SLC5A12: variants seen among roughly 807,000 people sequenced by gnomAD.
The protein encoded by SLC5A12 is solute carrier family 5 member 12.
A neutral mutation model predicts 72.7 loss-of-function variants in SLC5A12; 46 were observed. That is an observed-to-expected ratio of 0.63 (90% CI 0.50 to 0.81). The LOEUF is 0.81. Among genes scored for constraint, SLC5A12 ranks in the 30% least tolerant of loss-of-function variants. The pLI is 0.00. For synonymous variants in SLC5A12, 275 were observed against 264.4 expected (o/e 1.04, Z -0.39); for missense variants, 683 against 740.7 (o/e 0.92, Z 0.90).
chr11:26,681,308 G>A, intron 11 of SLC5A12, 87 bp from the exon 12 acceptor site: 1 of 1,148,912 alleles, frequency 8.7e-7, no homozygotes, highest in Non-Finnish European at 1.2e-6. Flanking sequence ...ATGCCTTAGA[G>A]ATTCTGGCTT....
intron 1 of SLC5A12, among the ~76,000 whole-genome samples, chr11:26,716,633 C>T (rs1162334415): frequency 2.0e-5 from 3 of 152,152 alleles, no homozygotes; most frequent in Non-Finnish European, 4.4e-5. Flanking sequence ...GAAATACCAA[C>T]TCTACTTTTC....
chr11:26,679,860 A>G (rs1854350622), intron 12 of SLC5A12, among the ~76,000 whole-genome samples: 1 of 152,170 alleles, frequency 6.6e-6, no homozygotes, highest in African/African-American at 2.4e-5. Flanking sequence ...TGAGTTCAGA[A>G]AGGTGCTTCA....
chr11:26,718,612 G>A (rs913406746), intron 1 of SLC5A12, among the ~76,000 whole-genome samples: 1 of 136,342 alleles, frequency 7.3e-6, no homozygotes, highest in Non-Finnish European at 1.6e-5. Context: ...CACCATGCCT[G>A]GCTAATTTTG....
intron 9 of SLC5A12, 37 bp from the exon 10 acceptor site, chr11:26,686,581 G>T: frequency 6.3e-7 from 1 of 1,596,626 alleles, no homozygotes; most frequent in South Asian, 1.1e-5. Context: ...AATTTCCTGA[G>T]GGATTCCTGA....
In SLC5A12 at chr11:26,669,187, T is replaced by TTTCTTTCTTTCTTTCTTTCTTTC. The variant is rs1854073553; in HGVS notation, c.*1914_*1915insGAAAGAAAGAAAGAAAGAAAGAA. On this transcript the variant is annotated 3_prime_UTR_variant, in exon 15 of 15. Coordinates refer to ENST00000396005, the MANE Select transcript of SLC5A12 (RefSeq NM_178498.4). ...TGTCTTTTTCTTTCTTTCTTTCTTC[T>TTTCTTTCTTTCTTTCTTTCTTTC]TTTCTTTCTTTCTTTCTTTCTTTCT... 3.2e-4 allele frequency: 36 copies of TTTCTTTCTTTCTTTCTTTCTTTC among 110,966 alleles called. No homozygotes were observed. The highest frequency in any genetic ancestry group is 1.2e-3 in the East Asian group (4 of 3,282). The allele number at this position is 110,966 out of a possible 1,614,324, so 6.9% of individuals were successfully genotyped here. A position where few individuals can be genotyped will look rare whatever the true frequency, so the allele number is the denominator to read the frequency against.
At chr11:26,684,083 T>G (rs900955564) in intron 10 of SLC5A12, among the ~76,000 whole-genome samples, 4 of 151,952 alleles carry the variant, frequency 2.6e-5, no homozygotes, top group Non-Finnish European at 5.9e-5. Flanking sequence ...GTAACCTGAA[T>G]TTAGTTTGAA....
chr11:26,713,405 A>G (rs972212862), intron 1 of SLC5A12, among the ~76,000 whole-genome samples: 1 of 151,572 alleles, frequency 6.6e-6, no homozygotes, highest in African/African-American at 2.4e-5. Context: ...AACTCTCAAT[A>G]TAAGAGCCCC....
At chr11:26,694,106 G>T (rs921535163) in intron 8 of SLC5A12, among the ~76,000 whole-genome samples, 1 of 152,074 alleles carries the variant, frequency 6.6e-6, no homozygotes, top group African/African-American at 2.4e-5. Context: ...ACCTCTGCAG[G>T]GTTGCTTTGG....
intron 4 of SLC5A12, among the ~76,000 whole-genome samples, chr11:26,707,336 C>G (rs879753097): frequency 2.0e-5 from 3 of 151,930 alleles, no homozygotes; most frequent in Non-Finnish European, 4.4e-5. Flanking sequence ...CTTTCTAAAT[C>G]TATATATACT....
At chr11:26,713,295 G>A (rs952367238) in intron 1 of SLC5A12, among the ~76,000 whole-genome samples, 2 of 152,028 alleles carry the variant, frequency 1.3e-5, no homozygotes, top group Non-Finnish European at 2.9e-5. Context: ...CCTTTCTTAT[G>A]TCACTAACCT....
chr11:26,687,039 C>T (rs1404856647), intron 9 of SLC5A12, among the ~76,000 whole-genome samples: 1 of 152,124 alleles, frequency 6.6e-6, no homozygotes, highest in Non-Finnish European at 1.5e-5. Context: ...AGATTTTTCC[C>T]TTTGGCGCTT....
chr11:26,687,841 G>A (rs369324841), intron 9 of SLC5A12, among the ~76,000 whole-genome samples: 39 of 152,238 alleles, frequency 2.6e-4, no homozygotes, highest in East Asian at 1.4e-3. Flanking sequence ...ATTATAGATA[G>A]GCTACTATTA....
intron 1 of SLC5A12, among the ~76,000 whole-genome samples, chr11:26,713,578 A>G (rs1285142982): frequency 2.0e-5 from 3 of 152,140 alleles, no homozygotes; most frequent in African/African-American, 4.8e-5. Context: ...CCCAATTGCT[A>G]TTCCTGGCTC....
intron 12 of SLC5A12, among the ~76,000 whole-genome samples, chr11:26,680,524 A>G (rs1206784283): frequency 6.6e-6 from 1 of 151,374 alleles, no homozygotes; most frequent in Non-Finnish European, 1.5e-5. Context: ...CAAATATTTC[A>G]GATTTCAAAG....
At chr11:26,678,461 C>T (rs1396914887) in intron 13 of SLC5A12, among the ~76,000 whole-genome samples, 2 of 151,974 alleles carry the variant, frequency 1.3e-5, no homozygotes, top group Non-Finnish European at 2.9e-5. Flanking sequence ...CTCACTGCAA[C>T]CTCCACCTTC....
intron 13 of SLC5A12, among the ~76,000 whole-genome samples, chr11:26,673,730 G>A (rs1854201074): frequency 6.6e-6 from 1 of 152,082 alleles, no homozygotes; most frequent in Non-Finnish European, 1.5e-5. Flanking sequence ...TGTCAGGTCA[G>A]GTAGACTCAT....
Position 26,721,535 on chromosome 11 carries a change from G to A in SLC5A12, c.180C>T (p.Ser60=), listed in dbSNP as rs1855480567. 6.2e-7 allele frequency: 1 copy of A among 1,614,008 alleles called. No individual in the cohort carries two copies. Among genetic ancestry groups the A allele is most frequent in the Admixed American group, 1.7e-5 (1 of 59,996 alleles). Residue 60 remains serine (S), a synonymous_variant, in exon 1 of 15, where the codon AGC becomes AGT. Transcript: ENST00000396005. ...CCAGGACCGTGACAGCTGACATGAA[G>A]CTGGCTGTCAGAGACAAGCCGACAG... is the stretch of plus-strand genomic sequence containing the variant. ...FGPVGLSLTA[S]FMSAVTVLGT... is the part of the protein sequence containing the mutation.
At chr11:26,693,736 C>A (rs780250963) in intron 8 of SLC5A12, among the ~76,000 whole-genome samples, 1 of 152,084 alleles carries the variant, frequency 6.6e-6, no homozygotes, top group Non-Finnish European at 1.5e-5. Flanking sequence ...TTCTGCTATC[C>A]TCCAGTGCTC....
chr11:26,671,207 A>C lies in SLC5A12; in HGVS notation c.1752T>G (p.Ser584=). Residue 584 remains serine, a synonymous_variant, in exon 15 of 15, where the codon TCT becomes TCG. Transcript: ENST00000396005. The part of the protein sequence containing the change: ...NGSARKQGAE[S]VLQNGLRRES... Reference sequence around the variant, plus strand: ...CTCTTCTGAGTCCGTTCTGTAAGACAGATTCAGCCCCCTGTTTCCGGGCAC... The same window carrying C: ...CTCTTCTGAGTCCGTTCTGTAAGACCGATTCAGCCCCCTGTTTCCGGGCAC... 1 of 1,608,826 alleles carries C rather than the reference A, an allele frequency of 6.2e-7. No homozygotes were observed. The highest frequency in any genetic ancestry group is 8.5e-7 in the Non-Finnish European group (1 of 1,177,490).
Sources: allele counts gnomAD v4.1 joint callset (sites outside exome capture counted in the v4.1 genomes callset), GRCh38; gene constraint gnomAD v4.1.1; transcripts MANE v1.5; gene names NCBI Gene and HGNC (gene_info 2026-07-23, HGNC 2026-07-21).